Variants in RFX8 observed in about 807,000 individuals in gnomAD.
RFX8 encodes the protein regulatory factor X8, also known as DNA-binding protein RFX8.
In RFX8, 46 loss-of-function variants were observed where a neutral mutation model predicts 54.6. That is an observed-to-expected ratio of 0.84 (90% CI 0.67 to 1.08). The LOEUF is 1.08. Among genes scored for constraint, RFX8 ranks in the 50% least tolerant of loss-of-function variants. The pLI, the probability that RFX8 is intolerant of heterozygous loss-of-function variation, is 0.00. For synonymous variants in RFX8, 192 were observed against 209.5 expected (o/e 0.92, Z 0.72); for missense variants, 536 against 562.3 (o/e 0.95, Z 0.47).
At chr2:101,446,689 G>C (rs987403852) in intron 2 of RFX8, among the ~76,000 whole-genome samples, 12 of 151,880 alleles carry the variant, frequency 7.9e-5, no homozygotes. Context: ...CAGAGTCCCC[G>C]GGACGCTAAT....
At chr2:101,407,241 C>T (rs941736863) in intron 9 of RFX8, among the ~76,000 whole-genome samples, 1 of 152,214 alleles carries the variant, frequency 6.6e-6, no homozygotes, top group Non-Finnish European at 1.5e-5. Flanking sequence ...CCTTGGCACA[C>T]CAGAAGGTGG....
chr2:101,467,671 C>T (rs1159637296), intron 1 of RFX8, among the ~76,000 whole-genome samples: 2 of 152,124 alleles, frequency 1.3e-5, no homozygotes, highest in African/African-American at 4.8e-5. Context: ...GGTCTGGAGG[C>T]AGAGTGTATT....
intron 1 of RFX8, among the ~76,000 whole-genome samples, chr2:101,471,379 C>T (rs1689982860): frequency 6.6e-6 from 1 of 152,004 alleles, no homozygotes; most frequent in African/African-American, 2.4e-5. Context: ...GTCATGAGCC[C>T]CCCACACTAG....
chr2:101,451,689 CAA>C lies in RFX8; in HGVS notation c.72+15086_72+15087del, dbSNP rs11441528. On this transcript the variant is annotated intron_variant, in intron 2 of 11. Transcript: ENST00000428343. ...GGGCGACAAGGGTGAAACTCCGTCT[CAA>C]AAAAAAAAAAAAAAAGAAAAGTAAT... 1.8e-3 allele frequency among the ~76,000 whole-genome samples: 203 copies of C among 111,580 alleles called. 1 individual carries two copies. Among genetic ancestry groups the C allele is most frequent in the East Asian group, 1.6e-3 (6 of 3,808 alleles). The allele number at this position is 111,580 out of a possible 152,430, so 73.2% of individuals were successfully genotyped here. A position where few individuals can be genotyped will look rare whatever the true frequency, so the allele number is the denominator to read the frequency against.
chr2:101,451,608 G>C (rs1012383614), intron 2 of RFX8, among the ~76,000 whole-genome samples: 2 of 149,022 alleles, frequency 1.3e-5, no homozygotes, highest in Non-Finnish European at 3.0e-5. Flanking sequence ...AGAATCGCTT[G>C]AATCTGGGAG....
intron 11 of RFX8, among the ~76,000 whole-genome samples, chr2:101,399,179 G>A (rs1034714869): frequency 2.0e-5 from 3 of 152,208 alleles, no homozygotes; most frequent in Non-Finnish European, 4.4e-5. Context: ...GCAGGCCAGC[G>A]CTAAATTGTT....
At chr2:101,471,126 G>A (rs1689960519) in intron 1 of RFX8, among the ~76,000 whole-genome samples, 1 of 151,926 alleles carries the variant, frequency 6.6e-6, no homozygotes, top group African/African-American at 2.4e-5. Flanking sequence ...CTGAGGTCAG[G>A]AGTTCAAGGC....
intron 7 of RFX8, among the ~76,000 whole-genome samples, chr2:101,413,709 G>A (rs1686307248): frequency 6.6e-6 from 1 of 152,168 alleles, no homozygotes; most frequent in Admixed American, 6.5e-5. Context: ...CAGAGCAGGG[G>A]CAGGCTTCAG....
At chr2:101,420,928 C>T (rs781766087) in intron 4 of RFX8, among the ~76,000 whole-genome samples, 29 of 152,150 alleles carry the variant, frequency 1.9e-4, no homozygotes, top group Non-Finnish European at 3.5e-4. Context: ...GTCCTGGTAA[C>T]GGTGTCGGTC....
Position 101,402,737 on chromosome 2 carries a change from A to G in RFX8, c.944T>C (p.Phe315Ser), listed in dbSNP as rs770145817. The change falls in exon 11 of 12, where the codon TTT becomes TCT. Residue 315 changes from phenylalanine (F) to serine (S), a missense_variant. Phe to Ser is a radical substitution (Grantham distance 155). Coordinates refer to ENST00000428343, the MANE Select transcript of RFX8 (RefSeq NM_001145664.2). ...CATATATTCCAAAAGCAACAAGTGA[A>G]ACAGATGCCAGGAGCCTACATTTAG... ...HRDSFGSWHL[F>S]HLLLLEYMIH... is the part of the protein sequence containing the mutation. 8.4e-5 allele frequency: 130 copies of G among 1,546,246 alleles called. 1 individual carries two copies. Among genetic ancestry groups the G allele is most frequent in the Non-Finnish European group, 3.2e-5 (37 of 1,142,340 alleles).
intron 2 of RFX8, chr2:101,452,544 C>G (rs756668804): frequency 1.8e-5 from 8 of 444,206 alleles, no homozygotes; most frequent in Non-Finnish European, 2.3e-5. Flanking sequence ...TCCTTTTCCT[C>G]TTTTCTAATA....
At chr2:101,455,106 G>A (rs561792347) in intron 2 of RFX8, among the ~76,000 whole-genome samples, 35 of 151,494 alleles carry the variant, frequency 2.3e-4, no homozygotes, top group Non-Finnish European at 4.1e-4. Context: ...CGCCTCCCAG[G>A]TTCAAGCGAT....
In RFX8 at chr2:101,442,432, C is replaced by CA. The variant is rs555923516; in HGVS notation, c.73-19961dup. On this transcript the variant is annotated intron_variant, in intron 2 of 11. Transcript: ENST00000428343. ...TCTCTAAGGGTGAGTCAGCTAGTGG[C>CA]AAATTTTTTTGGTTTTTCTTTGCCT... Among the ~76,000 whole-genome samples, 1,440 of 152,224 alleles carry CA rather than the reference C, an allele frequency of 9.5e-3. 16 individuals are homozygous for CA. Among genetic ancestry groups the CA allele is most frequent in the African/African-American group, 0.033 (1,376 of 41,524 alleles).
intron 2 of RFX8, among the ~76,000 whole-genome samples, chr2:101,430,179 G>A (rs1056273832): frequency 4.6e-5 from 7 of 152,170 alleles, no homozygotes; most frequent in Non-Finnish European, 8.8e-5. Context: ...GTGGCTGCAG[G>A]ACACAGCATC....
chr2:101,426,993 CCT>C (rs1687210136), intron 2 of RFX8, among the ~76,000 whole-genome samples: 1 of 152,182 alleles, frequency 6.6e-6, no homozygotes, highest in Admixed American at 6.5e-5. Context: ...GCCCTCTGGT[CCT>C]CTCCACCCAC....
chr2:101,448,063 TC>T (rs1418317483), intron 2 of RFX8, among the ~76,000 whole-genome samples: 19 of 152,160 alleles, frequency 1.2e-4, no homozygotes, highest in Admixed American at 7.2e-4. Flanking sequence ...AGGTTATTAA[TC>T]CCATTCATGA....
At chr2:101,445,481 C>T (rs1688322628) in intron 2 of RFX8, among the ~76,000 whole-genome samples, 2 of 152,076 alleles carry the variant, frequency 1.3e-5, no homozygotes, top group African/African-American at 4.8e-5. Context: ...CAGCCTTGAC[C>T]TCCCGGGCTC....
intron 2 of RFX8, among the ~76,000 whole-genome samples, chr2:101,422,924 C>T (rs777273128): frequency 1.3e-5 from 2 of 152,112 alleles, no homozygotes; most frequent in Non-Finnish European, 2.9e-5. Flanking sequence ...AGGGCCATTG[C>T]CAACAAGGAA....
chr2:101,410,299 TACAC>T (rs1346548417), intron 9 of RFX8, among the ~76,000 whole-genome samples: 2 of 150,678 alleles, frequency 1.3e-5, no homozygotes, highest in East Asian at 3.9e-4. Context: ...CACACTCACA[TACAC>T]ACATGCTCAC....
Sources: gnomAD v4.1 joint callset for allele counts (sites outside exome capture counted in the v4.1 genomes callset) on GRCh38, gnomAD v4.1.1 for gene constraint, MANE v1.5 for transcripts, NCBI Gene and HGNC (gene_info 2026-07-23, HGNC 2026-07-21) for gene names.